TMED10: variants seen among roughly 807,000 people sequenced by gnomAD.
The protein encoded by TMED10 is transmembrane emp24 domain-containing protein 10.
A neutral mutation model predicts 23.1 loss-of-function variants in TMED10; 7 were observed. The observed-to-expected ratio is 0.30, with a 90% CI of 0.17 to 0.57. The LOEUF (loss-of-function observed/expected upper bound fraction) is 0.57. TMED10 is among the 20% of genes least tolerant of loss of function. TMED10 has a pLI of 0.91. For synonymous variants in TMED10, 113 were observed against 106.9 expected, an observed-to-expected ratio of 1.06 and a Z score of -0.35; for missense variants, 162 against 274.8, an observed-to-expected ratio of 0.59 and a Z score of 2.90.
chr14:75,138,821 T>TA (rs1895785857), intron 3 of TMED10, among the ~76,000 whole-genome samples: 1 of 105,242 alleles, frequency 9.5e-6, no homozygotes, highest in Non-Finnish European at 2.0e-5. Flanking sequence ...TCTTTTTTTT[T>TA]TTTTTTTTTT....
intron 2 of TMED10, among the ~76,000 whole-genome samples, chr14:75,149,301 T>C (rs1895927576): frequency 6.6e-6 from 1 of 152,202 alleles, no homozygotes; most frequent in Admixed American, 6.5e-5. Flanking sequence ...AGAAGTAGGT[T>C]TGTTATAAAA....
intron 1 of TMED10, among the ~76,000 whole-genome samples, chr14:75,166,862 A>G (rs539769925): frequency 8.5e-4 from 130 of 152,204 alleles, no homozygotes; most frequent in African/African-American, 3.1e-3. Flanking sequence ...AAAGTCTGGC[A>G]TAAGTAAGGG....
intron 3 of TMED10, among the ~76,000 whole-genome samples, chr14:75,146,860 CA>C (rs1895888596): frequency 6.6e-6 from 1 of 151,932 alleles, no homozygotes; most frequent in African/African-American, 2.4e-5. Flanking sequence ...TGTTATTTCC[CA>C]AACACAAAAC....
intron 1 of TMED10, among the ~76,000 whole-genome samples, chr14:75,160,211 C>A (rs900519941): frequency 6.6e-6 from 1 of 152,152 alleles, no homozygotes; most frequent in African/African-American, 2.4e-5. Context: ...CTATCTAGTT[C>A]ATATAACTTT....
Position 75,136,515 on chromosome 14 carries a change from A to T in TMED10, c.412-629T>A, listed in dbSNP as rs1895751556. On this transcript the variant is annotated intron_variant, in intron 3 of 4. Transcript: ENST00000303575. ...GCACTTCCACTCATGTCTAAGAAGT[A>T]AACTATTGTTAATACAATAAATGTG... 4.6e-5 allele frequency among the ~76,000 whole-genome samples: 7 copies of T among 152,338 alleles called. No homozygotes were observed. The South Asian group carries it at 1.4e-3, about 32-fold the overall frequency.
At chr14:75,164,903 C>T (rs1409200027) in intron 1 of TMED10, among the ~76,000 whole-genome samples, 3 of 151,734 alleles carry the variant, frequency 2.0e-5, no homozygotes, top group East Asian at 3.9e-4. Flanking sequence ...TGAAAGGATA[C>T]AAAATGCCTA....
At chr14:75,164,571 ATATATATTTT>A (rs1360404839) in intron 1 of TMED10, among the ~76,000 whole-genome samples, 4 of 2,110 alleles carry the variant, frequency 1.9e-3, no homozygotes, top group African/African-American at 5.4e-3. Context: ...ATATATATAT[ATATATATTTT>A]TTTTTTTTTT....
At position 75,134,870 on chromosome 14, in the gene TMED10, A is replaced by G. The variant is rs1413849803; in HGVS notation, c.*15T>C. The G allele has an allele frequency of 5.0e-6, 8 of 1,613,440 alleles. No individual in the cohort carries two copies. Among genetic ancestry groups the G allele is most frequent in the Non-Finnish European group, 5.9e-6 (7 of 1,179,660 alleles). ...TGGCTGAGGTACAAGGTGGGAGGAG[A>G]ATATGCCTCATTCATTACTCAATCA... On this transcript the variant is annotated 3_prime_UTR_variant, in exon 5 of 5. Transcript: ENST00000303575.
intron 3 of TMED10, among the ~76,000 whole-genome samples, chr14:75,140,241 C>T (rs1458352710): frequency 6.6e-6 from 1 of 152,080 alleles, no homozygotes; most frequent in Non-Finnish European, 1.5e-5. Flanking sequence ...GCTGGGATTA[C>T]AGGCACGTGC....
intron 1 of TMED10, among the ~76,000 whole-genome samples, chr14:75,174,452 T>C (rs578242419): frequency 6.6e-6 from 1 of 152,100 alleles, no homozygotes; most frequent in South Asian, 2.1e-4. Context: ...GAGAGCAAGG[T>C]CTCTTTCATT....
rs981971933 is a variant in TMED10, at chr14:75,175,993, C to T, written c.225+362G>A. On this transcript the variant is annotated intron_variant, in intron 1 of 4. Coordinates refer to ENST00000303575, the MANE Select transcript of TMED10 (RefSeq NM_006827.6). Reference sequence around the variant, plus strand: ...TACTTTCCTGCAGGTATCGCGGTATCTTATGATGCCAATCCGTATAAATAT... The same window carrying T: ...TACTTTCCTGCAGGTATCGCGGTATTTTATGATGCCAATCCGTATAAATAT... 13 of 306,658 alleles carry T rather than the reference C, an allele frequency of 4.2e-5. No homozygotes were observed. The East Asian group carries it at 1.1e-3, about 25-fold the overall frequency. The allele number at this position is 306,658 out of a possible 1,614,324, so 19.0% of individuals were successfully genotyped here.
chr14:75,161,128 C>G (rs921574756), intron 1 of TMED10, among the ~76,000 whole-genome samples: 1 of 152,180 alleles, frequency 6.6e-6, no homozygotes, highest in African/African-American at 2.4e-5. Flanking sequence ...CACACTGAGC[C>G]TGTGAGAAGT....
At chr14:75,153,865 G>A (rs556845448) in intron 1 of TMED10, among the ~76,000 whole-genome samples, 39 of 148,512 alleles carry the variant, frequency 2.6e-4, no homozygotes, top group Non-Finnish European at 4.7e-4. Context: ...CGCCTCCCGG[G>A]TTCAGGTGAT....
intron 3 of TMED10, among the ~76,000 whole-genome samples, chr14:75,139,656 T>C (rs1220655858): frequency 6.7e-6 from 1 of 148,838 alleles, no homozygotes; most frequent in Admixed American, 6.8e-5. Context: ...AAAAAAAATC[T>C]ATTGAATCCC....
At chr14:75,149,472 A>ATAAAT (rs55984634) in intron 2 of TMED10, among the ~76,000 whole-genome samples, 149,201 of 152,196 alleles carry the variant, frequency 0.98, 73,193 homozygotes, top group East Asian at 1. Flanking sequence ...TCTACTGTTT[A>ATAAAT]TACCCACTCT....
At chr14:75,170,618 A>T (rs544574260) in intron 1 of TMED10, among the ~76,000 whole-genome samples, 37 of 152,242 alleles carry the variant, frequency 2.4e-4, no homozygotes, top group Non-Finnish European at 4.4e-4. Context: ...GTTGAAGCCA[A>T]CAATTAAAAA....
chr14:75,136,064 A>G (rs965641980), intron 3 of TMED10, among the ~76,000 whole-genome samples, 178 bp from the exon 4 acceptor site: 1 of 152,190 alleles, frequency 6.6e-6, no homozygotes, highest in African/African-American at 2.4e-5. Context: ...ATATCTTTCC[A>G]TTTCAGACCT....
intron 1 of TMED10, among the ~76,000 whole-genome samples, chr14:75,175,597 G>T (rs1329343702): frequency 6.6e-6 from 1 of 151,560 alleles, no homozygotes; most frequent in African/African-American, 2.4e-5. Context: ...GTCGTGGGGT[G>T]GGGGGAGGTG....
chr14:75,137,715 T>C (rs1214648556), intron 3 of TMED10, among the ~76,000 whole-genome samples: 1 of 150,876 alleles, frequency 6.6e-6, no homozygotes, highest in Non-Finnish European at 1.5e-5. Flanking sequence ...TTTCTTTTTT[T>C]TTTTTTTTTA....
Sources: gnomAD v4.1 joint callset for allele counts (sites outside exome capture counted in the v4.1 genomes callset) on GRCh38, gnomAD v4.1.1 for gene constraint, MANE v1.5 for transcripts, NCBI Gene and HGNC (gene_info 2026-07-23, HGNC 2026-07-21) for gene names.